The following EYA2 variants were observed in gnomAD, a reference collection of about 807,000 sequenced individuals.
EYA2 encodes EYA transcriptional coactivator and phosphatase 2, also known as protein phosphatase EYA2.
A neutral mutation model predicts 69.2 loss-of-function variants in EYA2; 31 were observed. The ratio of observed to expected loss-of-function variants is 0.45; its 90% CI spans 0.34 to 0.60. The LOEUF is 0.60. Ranked by LOEUF, EYA2 falls within the 20% of genes least tolerant of loss-of-function variation. EYA2 has a pLI of 0.02. For missense variants in EYA2, 622 were observed against 701.2 expected, an observed-to-expected ratio of 0.89 and a Z score of 1.28; for synonymous variants, 257 against 279.4, an observed-to-expected ratio of 0.92 and a Z score of 0.80.
At chr20:46,983,099 GA>G (rs1386911208) in intron 1 of EYA2, among the ~76,000 whole-genome samples, 3 of 152,124 alleles carry the variant, frequency 2.0e-5, no homozygotes, top group East Asian at 3.9e-4. Flanking sequence ...AAAGAGCCTA[GA>G]TTTTTTTAGC....
At chr20:47,035,601 G>A (rs989497969) in intron 5 of EYA2, among the ~76,000 whole-genome samples, 1 of 152,152 alleles carries the variant, frequency 6.6e-6, no homozygotes, top group African/African-American at 2.4e-5. Flanking sequence ...AGGCAGTGAC[G>A]CTTAGTAATG....
intron 1 of EYA2, among the ~76,000 whole-genome samples, chr20:46,896,681 T>TA (rs977061135): frequency 3.3e-5 from 5 of 152,102 alleles, no homozygotes; most frequent in African/African-American, 9.7e-5. Context: ...GTGTTTGTAT[T>TA]AAAAAAAATC....
At chr20:47,157,868 T>A (rs2033987373) in intron 10 of EYA2, among the ~76,000 whole-genome samples, 1 of 152,004 alleles carries the variant, frequency 6.6e-6, no homozygotes, top group African/African-American at 2.4e-5. Flanking sequence ...AGGATAAATC[T>A]CATCCAGCAT....
intron 10 of EYA2, among the ~76,000 whole-genome samples, chr20:47,162,898 G>A (rs1438883744): frequency 2.0e-5 from 3 of 151,982 alleles, no homozygotes; most frequent in Admixed American, 6.6e-5. Context: ...CTCCCCATAT[G>A]AAACTGCTGC....
chr20:46,978,426 C>T, intron 1 of EYA2: 1 of 378,130 alleles, frequency 2.6e-6, no homozygotes, highest in Admixed American at 3.2e-5. Context: ...ACTGAGGCCT[C>T]TGCAGGGTGA....
At chr20:46,895,023 C>T (rs113583272) in intron 1 of EYA2, 36 bp downstream of exon 1, 9,505 of 151,892 alleles carry the variant, frequency 0.063, 732 homozygotes, top group African/African-American at 0.18. Context: ...CCAGGCCGCC[C>T]GCCGGGATTC....
At chr20:47,052,987 C>G (rs2030419701) in intron 5 of EYA2, among the ~76,000 whole-genome samples, 1 of 152,122 alleles carries the variant, frequency 6.6e-6, no homozygotes, top group Non-Finnish European at 1.5e-5. Flanking sequence ...GAGTGTGTCC[C>G]CTATGTGGTC....
At position 46,908,870 on chromosome 20, in the gene EYA2, C is replaced by CTTTTTTTT. The variant is rs56834738; in HGVS notation, c.-11+13913_-11+13920dup. 1.5e-3 allele frequency among the ~76,000 whole-genome samples: 70 copies of CTTTTTTTT among 47,580 alleles called. 14 individuals carry two copies. Among genetic ancestry groups the CTTTTTTTT allele is most frequent in the East Asian group, 8.7e-3 (7 of 806 alleles). 31.2% of individuals were successfully genotyped at this position (47,580 alleles called of 152,430 possible). On this transcript the variant is annotated intron_variant, in intron 1 of 15. Coordinates refer to ENST00000327619, the MANE Select transcript of EYA2 (RefSeq NM_005244.5). ...AAAGGCACTAAGCCTCTCTCCCGCACTTTTTTTTTTTTTTTTTTTTTTTTT... is the reference window on the plus strand; with the variant it reads ...AAAGGCACTAAGCCTCTCTCCCGCACTTTTTTTTTTTTTTTTTTTTTTTTTTTTTTTTT...
intron 6 of EYA2, among the ~76,000 whole-genome samples, 178 bp downstream of exon 6, chr20:47,072,430 A>G (rs148360429): frequency 2.0e-5 from 3 of 152,336 alleles, no homozygotes; most frequent in South Asian, 4.1e-4. Context: ...AGGACACAGT[A>G]TACAGGCGGA....
At chr20:47,089,483 G>A (rs900867917) in intron 8 of EYA2, 102 bp downstream of exon 8, 5 of 1,345,152 alleles carry the variant, frequency 3.7e-6, no homozygotes, top group East Asian at 4.7e-5. Flanking sequence ...GCGGAGAATC[G>A]CCCTTCGTGT....
chr20:47,067,531 GTC>G (rs1329448870), intron 5 of EYA2, among the ~76,000 whole-genome samples: 1 of 151,950 alleles, frequency 6.6e-6, no homozygotes, highest in Non-Finnish European at 1.5e-5. Context: ...CACATTGCAT[GTC>G]TCTATCAAAA....
At chr20:47,093,422 C>T (rs1282748039) in intron 8 of EYA2, among the ~76,000 whole-genome samples, 1 of 151,708 alleles carries the variant, frequency 6.6e-6, no homozygotes, top group Non-Finnish European at 1.5e-5. Flanking sequence ...TTCTCATCAG[C>T]AGCTTTCTCA....
chr20:46,952,934 A>G (rs1210217501), intron 1 of EYA2, among the ~76,000 whole-genome samples: 1 of 152,218 alleles, frequency 6.6e-6, no homozygotes, highest in Non-Finnish European at 1.5e-5. Context: ...ACATCTAAAC[A>G]CATGAAAAAT....
chr20:47,161,005 A>T lies in EYA2; in HGVS notation c.979-8134A>T, dbSNP rs143190759. 7.1e-3 allele frequency: 2,267 copies of T among 321,308 alleles called. 64 individuals are homozygous for T. In the East Asian group the frequency reaches 0.075, roughly 11 times the overall value. The allele number at this position is 321,308 out of a possible 1,614,324, so 19.9% of individuals were successfully genotyped here. On this transcript the variant is annotated intron_variant, in intron 10 of 15. Coordinates refer to ENST00000327619, the MANE Select transcript of EYA2 (RefSeq NM_005244.5). ...GGTCGGGTAGCTGTAGGTCTTAGAG[A>T]TAGCATCAAAGGTGGCCTTGGCGAA... is the stretch of plus-strand genomic sequence containing the variant.
chr20:47,147,832 G>A (rs928240138), intron 10 of EYA2, among the ~76,000 whole-genome samples: 1 of 152,170 alleles, frequency 6.6e-6, no homozygotes, highest in Non-Finnish European at 1.5e-5. Flanking sequence ...GCCGAGGCGG[G>A]TGGATCACTT....
At position 47,188,420 on chromosome 20, in the gene EYA2, G is replaced by A. The variant is rs1046659; in HGVS notation, c.*287G>A. 0.4 allele frequency: 223,651 copies of A among 553,022 alleles called. 48,496 individuals are homozygous for A. The highest frequency in any genetic ancestry group is 0.47 in the Non-Finnish European group (147,720 of 311,580). The allele number at this position is 553,022 out of a possible 1,614,324, so 34.3% of individuals were successfully genotyped here. On this transcript the variant is annotated 3_prime_UTR_variant, in exon 16 of 16. Transcript: ENST00000327619. ...CACAGAACAAAAGCAAGGAATTGCT[G>A]ATTTGGGGGGTGCCTGGTGATGAGG...
chr20:46,927,610 A>C (rs957145508), intron 1 of EYA2, among the ~76,000 whole-genome samples: 1 of 152,214 alleles, frequency 6.6e-6, no homozygotes, highest in African/African-American at 2.4e-5. Flanking sequence ...TAAAACTATC[A>C]GATCTCGTGA....
At chr20:46,996,986 G>C (rs1211223154) in intron 2 of EYA2, among the ~76,000 whole-genome samples, 1 of 152,158 alleles carries the variant, frequency 6.6e-6, no homozygotes, top group African/African-American at 2.4e-5. Flanking sequence ...ACATTTGTGA[G>C]CTACTGCCAT....
intron 12 of EYA2, among the ~76,000 whole-genome samples, chr20:47,174,230 G>A (rs2034385275): frequency 6.6e-6 from 1 of 152,148 alleles, no homozygotes; most frequent in Non-Finnish European, 1.5e-5. Flanking sequence ...TCCATTCCTA[G>A]AAAGAATAGA....
Sources: gnomAD v4.1 joint callset for allele counts (sites outside exome capture counted in the v4.1 genomes callset) on GRCh38, gnomAD v4.1.1 for gene constraint, MANE v1.5 for transcripts, NCBI Gene and HGNC (gene_info 2026-07-23, HGNC 2026-07-21) for gene names.